LUC7L2: variants seen among roughly 807,000 people sequenced by gnomAD.
LUC7L2 encodes the protein putative RNA-binding protein Luc7-like 2.
A neutral mutation model predicts 52.8 loss-of-function variants in LUC7L2; 25 were observed. The ratio of observed to expected loss-of-function variants is 0.47; its 90% CI spans 0.34 to 0.66. The LOEUF (loss-of-function observed/expected upper bound fraction) is 0.66, where lower values mean the gene tolerates loss of function less well. LUC7L2 is among the 30% of genes least tolerant of loss of function. The probability of loss-of-function intolerance (pLI) is 0.01; values close to 1 mark genes in which losing one functional copy is unlikely to be tolerated. For synonymous variants in LUC7L2, 144 were observed against 160.9 expected (o/e 0.89, Z 0.80); for missense variants, 328 against 497.8 (o/e 0.66, Z 3.25).
intron 8 of LUC7L2, among the ~76,000 whole-genome samples, chr7:139,413,775 C>CA (rs1299664856): frequency 2.0e-5 from 3 of 151,720 alleles, no homozygotes; most frequent in East Asian, 3.9e-4. Flanking sequence ...AAGACTGTCT[C>CA]AAAAAAAGAA....
intron 1 of LUC7L2, among the ~76,000 whole-genome samples, chr7:139,363,481 G>T (rs1477224867): frequency 1.3e-5 from 2 of 152,102 alleles, no homozygotes; most frequent in African/African-American, 4.8e-5. Flanking sequence ...TTTGCCTCAA[G>T]TTAAATCTGT....
chr7:139,409,690 C>T, intron 7 of LUC7L2, 36 bp downstream of exon 7: 1 of 1,546,906 alleles, frequency 6.5e-7, no homozygotes, highest in Non-Finnish European at 8.7e-7. Context: ...GAAGTTGAAT[C>T]TCTGTGGTTC....
chr7:139,414,436 A>C lies in LUC7L2; in HGVS notation c.809+1856A>C, dbSNP rs572772675. Among the ~76,000 whole-genome samples the C allele has an allele frequency of 5.9e-5, 9 of 152,364 alleles. No homozygotes were observed. In the East Asian group the frequency reaches 1.7e-3, roughly 29 times the overall value. On this transcript the variant is annotated intron_variant, in intron 8 of 9. Coordinates refer to ENST00000354926, the MANE Select transcript of LUC7L2 (RefSeq NM_016019.5). ...ACAAATTTGTGTTGGGCTGTATTCA[A>C]AGCCATCCTGGGCAGCATGCGGCTT...
chr7:139,340,775 C>T (rs148308968), intron 1 of LUC7L2, among the ~76,000 whole-genome samples: 23 of 151,906 alleles, frequency 1.5e-4, no homozygotes, highest in African/African-American at 3.9e-4. Flanking sequence ...CTGGGGTGGC[C>T]TGTGACTTTT....
chr7:139,371,592 T>A, intron 1 of LUC7L2: 1 of 1,183,766 alleles, frequency 8.4e-7, no homozygotes, highest in Non-Finnish European at 1.2e-6. Context: ...GAAGATAGCA[T>A]GCAAAGTATA....
chr7:139,419,712 G>A (rs1344623818), intron 9 of LUC7L2, among the ~76,000 whole-genome samples: 5 of 152,074 alleles, frequency 3.3e-5, no homozygotes, highest in African/African-American at 9.7e-5. Context: ...TGCTTCCTGC[G>A]TTGATGAAGT....
At chr7:139,360,769 C>G (rs1432968969) in intron 1 of LUC7L2, among the ~76,000 whole-genome samples, 1 of 152,156 alleles carries the variant, frequency 6.6e-6, no homozygotes, top group Non-Finnish European at 1.5e-5. Flanking sequence ...TCCCCCTCCT[C>G]TTCCTGGGTC....
chr7:139,341,179 C>A, intron 1 of LUC7L2: 1 of 794,926 alleles, frequency 1.3e-6, no homozygotes, highest in Non-Finnish European at 1.8e-6. Context: ...AGTTAACAGT[C>A]GGGTTTCGTT....
intron 1 of LUC7L2, among the ~76,000 whole-genome samples, chr7:139,342,360 A>C (rs915284996): frequency 6.6e-6 from 1 of 152,188 alleles, no homozygotes; most frequent in African/African-American, 2.4e-5. Flanking sequence ...GGAGTTAGCA[A>C]GTAAATTGGG....
At chr7:139,414,194 T>A (rs1484207920) in intron 8 of LUC7L2, among the ~76,000 whole-genome samples, 1 of 152,192 alleles carries the variant, frequency 6.6e-6, no homozygotes, top group Non-Finnish European at 1.5e-5. Context: ...TTTAAATAAA[T>A]GAAATACATC....
At chr7:139,367,064 CCT>C (rs1425198458) in intron 1 of LUC7L2, among the ~76,000 whole-genome samples, 2 of 152,136 alleles carry the variant, frequency 1.3e-5, no homozygotes, top group East Asian at 1.9e-4. Flanking sequence ...GCAACCTCCG[CCT>C]CTCGAGTTCA....
intron 2 of LUC7L2, among the ~76,000 whole-genome samples, chr7:139,384,484 T>C (rs1426354624): frequency 1.3e-5 from 2 of 152,212 alleles, no homozygotes; most frequent in Non-Finnish European, 2.9e-5. Context: ...ATTTGCTGTA[T>C]TTTATTTCTC....
intron 1 of LUC7L2, among the ~76,000 whole-genome samples, chr7:139,369,337 C>G (rs1800325137): frequency 6.6e-6 from 1 of 152,106 alleles, no homozygotes; most frequent in African/African-American, 2.4e-5. Flanking sequence ...TATTTTAGGA[C>G]TTAATGTTAA....
intron 1 of LUC7L2, chr7:139,341,346 G>A (rs1798945346): frequency 6.3e-7 from 1 of 1,587,176 alleles, no homozygotes; most frequent in Non-Finnish European, 8.6e-7. Flanking sequence ...CAGGGTCGTA[G>A]GACGCCGTTG....
chr7:139,355,338 T>C (rs1024686673), upstream of LUC7L2, among the ~76,000 whole-genome samples: 3 of 151,778 alleles, frequency 2.0e-5, no homozygotes, highest in Non-Finnish European at 4.4e-5. Flanking sequence ...GGGCTTATAT[T>C]ATTTCTATAC....
intron 1 of LUC7L2, among the ~76,000 whole-genome samples, chr7:139,350,006 C>T (rs1234126222): frequency 2.0e-5 from 3 of 152,192 alleles, no homozygotes; most frequent in Non-Finnish European, 4.4e-5. Context: ...CAACCACTGA[C>T]CTGCTTGTTG....
intron 1 of LUC7L2, among the ~76,000 whole-genome samples, chr7:139,347,432 A>G (rs537028338): frequency 8.5e-5 from 13 of 152,224 alleles, no homozygotes; most frequent in African/African-American, 2.9e-4. Context: ...TACTAAAAAT[A>G]CAGAATTAGC....
intron 9 of LUC7L2, among the ~76,000 whole-genome samples, chr7:139,419,867 T>C (rs1320452534): frequency 1.3e-5 from 2 of 152,242 alleles, no homozygotes; most frequent in African/African-American, 4.8e-5. Flanking sequence ...TTATTCTCTT[T>C]TAAAGCATCA....
At chr7:139,348,506 G>A (rs1799342614) in intron 1 of LUC7L2, among the ~76,000 whole-genome samples, 1 of 151,524 alleles carries the variant, frequency 6.6e-6, no homozygotes, top group African/African-American at 2.4e-5. Flanking sequence ...GGATCACAAG[G>A]TCGAGAGATT....
Sources: gnomAD v4.1 joint callset for allele counts (sites outside exome capture counted in the v4.1 genomes callset) on GRCh38, gnomAD v4.1.1 for gene constraint, MANE v1.5 for transcripts, NCBI Gene and HGNC (gene_info 2026-07-23, HGNC 2026-07-21) for gene names.